MAP6: variants seen among roughly 807,000 people sequenced by gnomAD.
MAP6 encodes microtubule associated protein 6, also known as microtubule-associated protein 6.
In MAP6, 26 loss-of-function variants were observed where a neutral mutation model predicts 42.4. The ratio of observed to expected loss-of-function variants is 0.61; its 90% CI spans 0.45 to 0.85. The LOEUF (loss-of-function observed/expected upper bound fraction) is 0.85, where lower values mean the gene tolerates loss of function less well. Among genes scored for constraint, MAP6 ranks in the 40% least tolerant of loss-of-function variants. The pLI is 0.00. For synonymous variants in MAP6, 418 were observed against 443.8 expected, an observed-to-expected ratio of 0.94 and a Z score of 0.73; for missense variants, 966 against 1,099.0, an observed-to-expected ratio of 0.88 and a Z score of 1.71.
At chr11:75,602,900 GTT>G in intron 3 of MAP6, 1 of 983,206 alleles carries the variant, frequency 1.0e-6, no homozygotes, top group Non-Finnish European at 1.2e-6. Context: ...TGGAAAAACT[GTT>G]TGTTTGTTTG....
At chr11:75,648,397 C>G (rs1018713925) in intron 1 of MAP6, among the ~76,000 whole-genome samples, 6 of 152,124 alleles carry the variant, frequency 3.9e-5, no homozygotes, top group Admixed American at 2.6e-4. Context: ...ACTCAGGAGG[C>G]TGAGGCGGGA....
In MAP6 at chr11:75,599,907, A is replaced by G. The variant is rs374129185; in HGVS notation, c.1316+5901T>C. 1.4e-4 allele frequency among the ~76,000 whole-genome samples: 22 copies of G among 152,330 alleles called. No individual in the cohort carries two copies. The East Asian group carries it at 3.7e-3, about 25-fold the overall frequency. On this transcript the variant is annotated intron_variant, in intron 3 of 3. Coordinates refer to ENST00000304771, the MANE Select transcript of MAP6 (RefSeq NM_033063.2). Reference sequence around the variant, plus strand: ...GTTACATGGGGCCAACACCTGCCCCATAACATTGGGAGGGTTCAGTGGAAT... The same window carrying G: ...GTTACATGGGGCCAACACCTGCCCCGTAACATTGGGAGGGTTCAGTGGAAT...
At chr11:75,661,427 A>C (rs1472221622) in intron 1 of MAP6, among the ~76,000 whole-genome samples, 7 of 152,134 alleles carry the variant, frequency 4.6e-5, no homozygotes, top group Non-Finnish European at 8.8e-5. Context: ...ACTTATGAAT[A>C]TATACGCAAG....
chr11:75,620,461 AT>A (rs1198116882), intron 1 of MAP6, among the ~76,000 whole-genome samples: 1 of 149,820 alleles, frequency 6.7e-6, no homozygotes, highest in Non-Finnish European at 1.5e-5. Flanking sequence ...ACAGAGCAAG[AT>A]TCTGACTGAC....
At chr11:75,649,900 C>A (rs770829215) in intron 1 of MAP6, among the ~76,000 whole-genome samples, 1 of 151,986 alleles carries the variant, frequency 6.6e-6, no homozygotes, top group African/African-American at 2.4e-5. Context: ...GTGTTTTACC[C>A]TTCTTAGTGA....
At chr11:75,602,159 C>T (rs957496567) in intron 3 of MAP6, among the ~76,000 whole-genome samples, 3 of 152,124 alleles carry the variant, frequency 2.0e-5, no homozygotes, top group East Asian at 1.9e-4. Flanking sequence ...TCCCACCCAG[C>T]CCCCCAGTTT....
At chr11:75,637,582 A>G (rs186620542) in intron 1 of MAP6, among the ~76,000 whole-genome samples, 1,531 of 152,156 alleles carry the variant, frequency 0.01, 15 homozygotes, top group Non-Finnish European at 0.017. Context: ...GGAGTCCAAA[A>G]AGACTTGGAT....
intron 1 of MAP6, among the ~76,000 whole-genome samples, chr11:75,634,782 T>C (rs1943342345): frequency 6.6e-6 from 1 of 152,162 alleles, no homozygotes; most frequent in Admixed American, 6.5e-5. Flanking sequence ...CTTTTCAAAA[T>C]ATTGTGCAGG....
chr11:75,603,321 A>G lies in MAP6; in HGVS notation c.1316+2487T>C, dbSNP rs1942699668. ...GAAGCTTGGTCACCTTCAGGAAGGCAACACCCAAACACTGCTTGTGGAACC... is the reference window on the plus strand; with the variant it reads ...GAAGCTTGGTCACCTTCAGGAAGGCGACACCCAAACACTGCTTGTGGAACC... On this transcript the variant is annotated intron_variant, in intron 3 of 3. Coordinates refer to ENST00000304771, the MANE Select transcript of MAP6 (RefSeq NM_033063.2). 9 of 985,736 alleles carry G rather than the reference A, an allele frequency of 9.1e-6. No homozygotes were observed. The South Asian group carries it at 2.8e-4, about 31-fold the overall frequency. 61.1% of individuals were successfully genotyped at this position (985,736 alleles called of 1,614,324 possible).
At position 75,595,550 on chromosome 11, in the gene MAP6, G is replaced by A. The variant is rs995651312; in HGVS notation, c.1317-7366C>T. ...CACAGGACACACCTCCTCTGCCCTG[G>A]AGTCTATACCTCCAATGATCAGCCC... On this transcript the variant is annotated intron_variant, in intron 3 of 3. Coordinates refer to ENST00000304771, the MANE Select transcript of MAP6 (RefSeq NM_033063.2). Among the ~76,000 whole-genome samples the A allele has an allele frequency of 3.9e-5, 6 of 152,116 alleles. No individual in the cohort carries two copies. In the East Asian group the frequency reaches 1.2e-3, roughly 29 times the overall value.
At chr11:75,645,351 G>A (rs750519421) in intron 1 of MAP6, among the ~76,000 whole-genome samples, 19 of 151,804 alleles carry the variant, frequency 1.3e-4, no homozygotes, top group Non-Finnish European at 2.8e-4. Flanking sequence ...CTGGGTGGGG[G>A]TGGGATGGAG....
intron 3 of MAP6, chr11:75,604,011 A>C: frequency 2.0e-6 from 2 of 985,750 alleles, no homozygotes; most frequent in South Asian, 9.4e-5. Flanking sequence ...AGTTGGAATC[A>C]GTGCCAGGAT....
chr11:75,664,062 C>T (rs1194995538), intron 1 of MAP6, among the ~76,000 whole-genome samples: 30 of 152,080 alleles, frequency 2.0e-4, no homozygotes, highest in Admixed American at 1.7e-3. Flanking sequence ...AATTTTAATC[C>T]CCTCCTTATG....
chr11:75,646,872 A>G (rs1943562665), intron 1 of MAP6, among the ~76,000 whole-genome samples: 1 of 152,224 alleles, frequency 6.6e-6, no homozygotes, highest in African/African-American at 2.4e-5. Context: ...TTGGGTATAA[A>G]AATTGTATTA....
At chr11:75,609,717 AGGGGAACT>A in intron 1 of MAP6, among the ~76,000 whole-genome samples, 1 of 152,192 alleles carries the variant, frequency 6.6e-6, no homozygotes, top group Non-Finnish European at 1.5e-5. Flanking sequence ...GTATTTCTTT[AGGGGAACT>A]GGCTCATATG....
At chr11:75,616,762 A>C (rs1364470342) in intron 1 of MAP6, among the ~76,000 whole-genome samples, 4 of 152,198 alleles carry the variant, frequency 2.6e-5, no homozygotes, top group Non-Finnish European at 5.9e-5. Context: ...CGCAGCTCTC[A>C]GTTTCTTTTG....
At chr11:75,588,625 C>G (rs1942415790) in intron 3 of MAP6, among the ~76,000 whole-genome samples, 1 of 152,146 alleles carries the variant, frequency 6.6e-6, no homozygotes, top group Non-Finnish European at 1.5e-5. Context: ...GTGCTCTTTT[C>G]TTGTTCTCAG....
chr11:75,606,997 G>A (rs534968595), intron 2 of MAP6, among the ~76,000 whole-genome samples: 12 of 152,250 alleles, frequency 7.9e-5, no homozygotes, highest in African/African-American at 2.6e-4. Flanking sequence ...CCCATGCCCC[G>A]GGTGCCACAC....
intron 1 of MAP6, among the ~76,000 whole-genome samples, chr11:75,658,168 G>C (rs1326317281): frequency 6.6e-6 from 1 of 152,056 alleles, no homozygotes; most frequent in East Asian, 1.9e-4. Flanking sequence ...ATTTCTGTTA[G>C]GTAGATACTC....
Sources: gnomAD v4.1 joint callset for allele counts (sites outside exome capture counted in the v4.1 genomes callset) on GRCh38, gnomAD v4.1.1 for gene constraint, MANE v1.5 for transcripts, NCBI Gene and HGNC (gene_info 2026-07-23, HGNC 2026-07-21) for gene names.